SCAND3: variants seen among roughly 807,000 people sequenced by gnomAD.
SCAND3 encodes the protein SCAN domain containing 3, also known as SCAN domain-containing protein 3.
the SCAND3 span, among the ~76,000 whole-genome samples, chr6:28,592,894 A>G: frequency 2.4e-4 from 37 of 152,146 alleles, no homozygotes; most frequent in Non-Finnish European, 4.1e-4. The surrounding 1 kb of genome is among the most constrained non-coding windows in gnomAD (Gnocchi z 4.1). Flanking sequence ...TCTATCTTAC[A>G]CCATATATAA....
At chr6:28,606,532 C>G in the SCAND3 span, among the ~76,000 whole-genome samples, 1 of 152,162 alleles carries the variant, frequency 6.6e-6, no homozygotes, top group Non-Finnish European at 1.5e-5. Context: ...CTACCCCACC[C>G]CAACCCCCAC....
the SCAND3 span, among the ~76,000 whole-genome samples, chr6:28,583,892 C>T: frequency 6.6e-6 from 1 of 152,182 alleles, no homozygotes; most frequent in East Asian, 1.9e-4. Flanking sequence ...GCAGCAGCTC[C>T]GCATTATCCT....
At chr6:28,605,896 T>C in the SCAND3 span, among the ~76,000 whole-genome samples, 1 of 151,914 alleles carries the variant, frequency 6.6e-6, no homozygotes, top group East Asian at 1.9e-4. Flanking sequence ...TTAAATGACA[T>C]ATCAATGTCA....
the SCAND3 span, among the ~76,000 whole-genome samples, chr6:28,614,809 A>C: frequency 1.1e-4 from 17 of 152,310 alleles, no homozygotes; most frequent in African/African-American, 2.9e-4. Flanking sequence ...ACAATAGTTA[A>C]AATCTGAAAG....
At chr6:28,576,226 A>G in the SCAND3 span, 1 of 981,188 alleles carries the variant, frequency 1.0e-6, no homozygotes, top group Non-Finnish European at 1.5e-6. Context: ...TGCTTGAGGT[A>G]GAAGTAGGGA....
the SCAND3 span, chr6:28,576,206 G>A: frequency 8.1e-7 from 1 of 1,229,116 alleles, no homozygotes; most frequent in Non-Finnish European, 1.1e-6. Context: ...ATTGCCAAAG[G>A]AGCCAGTAGT....
chr6:28,615,542 A>G, the SCAND3 span, among the ~76,000 whole-genome samples: 47 of 151,120 alleles, frequency 3.1e-4, no homozygotes, highest in South Asian at 6.3e-3. Context: ...GTACGTGGGA[A>G]GTGAGCCATG....
At chr6:28,572,073 G>C in the SCAND3 span, 29 of 1,613,980 alleles carry the variant, frequency 1.8e-5, no homozygotes, top group African/African-American at 3.2e-4. This position sits in a 1 kb window ranked among gnomAD's most constrained non-coding sequence, Gnocchi z 4.1. Context: ...GGTATGTTGA[G>C]GGGAAAAGAA....
the SCAND3 span, chr6:28,589,852 G>GTTTTTTTT: frequency 1.7e-5 from 2 of 117,664 alleles, no homozygotes; most frequent in South Asian, 3.2e-4. Flanking sequence ...TTGTTTTTTT[G>GTTTTTTTT]TTTGTTTTTT....
the SCAND3 span, among the ~76,000 whole-genome samples, chr6:28,601,992 C>A: frequency 6.6e-6 from 1 of 151,858 alleles, no homozygotes; most frequent in East Asian, 1.9e-4. Flanking sequence ...ATGAAGCATG[C>A]AGGCCTGAGT....
At chr6:28,598,876 C>CAAAAAAAAA in the SCAND3 span, among the ~76,000 whole-genome samples, 24 of 74,118 alleles carry the variant, frequency 3.2e-4, no homozygotes, top group Middle Eastern at 8.2e-3. Flanking sequence ...GACTATGTCT[C>CAAAAAAAAA]AAAAAAAAAA....
the SCAND3 span, among the ~76,000 whole-genome samples, chr6:28,598,683 A>AAAAATAAAAT: frequency 0.048 from 6,558 of 138,044 alleles, 233 homozygotes; most frequent in Non-Finnish European, 0.066. Context: ...TGTTTCTACT[A>AAAAATAAAAT]AAAATAAAAT....
the SCAND3 span, chr6:28,590,285 T>G: frequency 6.7e-6 from 1 of 149,238 alleles, no homozygotes. Flanking sequence ...AGGAGGGGGC[T>G]CCCTGACCGA....
chr6:28,580,287 C>T, the SCAND3 span, among the ~76,000 whole-genome samples: 1 of 152,022 alleles, frequency 6.6e-6, no homozygotes, highest in South Asian at 2.1e-4. Flanking sequence ...AACCCCATCT[C>T]TACTAAAAAC....
chr6:28,597,540 A>C, the SCAND3 span, among the ~76,000 whole-genome samples: 1 of 152,298 alleles, frequency 6.6e-6, no homozygotes, highest in African/African-American at 2.4e-5. Context: ...CACACCCAGA[A>C]TCGGGTATTT....
chr6:28,602,782 A>G, the SCAND3 span, among the ~76,000 whole-genome samples: 839 of 152,282 alleles, frequency 5.5e-3, 12 homozygotes, highest in African/African-American at 0.019. Flanking sequence ...GAATGGAAAT[A>G]AAGTATTCAA....
the SCAND3 span, among the ~76,000 whole-genome samples, chr6:28,602,127 A>AT: frequency 3.2e-4 from 49 of 152,162 alleles, no homozygotes; most frequent in South Asian, 6.6e-3. Context: ...TTATTTTTTA[A>AT]TTTATTTTAT....
the SCAND3 span, chr6:28,590,960 C>A: frequency 6.6e-6 from 1 of 152,130 alleles, no homozygotes. Flanking sequence ...TTGATGTTAG[C>A]GTGATGAGAT....
the SCAND3 span, among the ~76,000 whole-genome samples, chr6:28,608,246 G>A: frequency 0.18 from 28,129 of 152,142 alleles, 3,002 homozygotes; most frequent in East Asian, 0.45. Context: ...CCTTTTCACT[G>A]TTTCGCCCTG....
Sources: allele counts gnomAD v4.1 joint callset (sites outside exome capture counted in the v4.1 genomes callset), GRCh38; gene constraint gnomAD v4.1.1; non-coding constraint Gnocchi (gnomAD v3.1); transcripts MANE v1.5; gene names NCBI Gene and HGNC (gene_info 2026-07-23, HGNC 2026-07-21).